The following ARHGAP24 variants were observed in gnomAD, a reference collection of about 807,000 sequenced individuals.
The protein encoded by ARHGAP24 is Rho GTPase activating protein 24.
ARHGAP24 carries 50 observed loss-of-function variants against 76.4 expected under a neutral mutation model. The observed-to-expected ratio is 0.65, with a 90% CI of 0.52 to 0.83. The LOEUF (loss-of-function observed/expected upper bound fraction) is 0.83, where lower values mean the gene tolerates loss of function less well. Ranked by LOEUF, ARHGAP24 falls within the 40% of genes least tolerant of loss-of-function variation. ARHGAP24 has a pLI of 0.00. For synonymous variants in ARHGAP24, 345 were observed against 323.3 expected (o/e 1.07, Z -0.72); for missense variants, 930 against 914.2 (o/e 1.02, Z -0.22).
rs1266967707 is a variant in ARHGAP24, at chr4:85,740,342, C to T, written c.268+18370C>T. ...GGTTCAGGCGATTCTCCTGCCTTAGCCTCCTGAGTAGCTGGGATTATAGGT... is the reference window on the plus strand; with the variant it reads ...GGTTCAGGCGATTCTCCTGCCTTAGTCTCCTGAGTAGCTGGGATTATAGGT... On this transcript the variant is annotated intron_variant, in intron 3 of 9. Coordinates refer to ENST00000395184, the MANE Select transcript of ARHGAP24 (RefSeq NM_001025616.3). Among the ~76,000 whole-genome samples the T allele has an allele frequency of 2.6e-5, 4 of 151,716 alleles. No homozygotes were observed. In the East Asian group the frequency reaches 7.8e-4, roughly 29 times the overall value.
At chr4:85,610,631 G>A (rs1304695589) in intron 2 of ARHGAP24, among the ~76,000 whole-genome samples, 4 of 152,028 alleles carry the variant, frequency 2.6e-5, no homozygotes, top group Non-Finnish European at 4.4e-5. Context: ...TTCTAGCGTC[G>A]TGGGGAAAAA....
chr4:85,731,910 C>A (rs1300591367), intron 3 of ARHGAP24, among the ~76,000 whole-genome samples: 2 of 152,162 alleles, frequency 1.3e-5, no homozygotes, highest in African/African-American at 4.8e-5. Flanking sequence ...GAAAGTAGTA[C>A]TCTCCTCATT....
At chr4:85,589,985 G>A (rs1484644736) in intron 2 of ARHGAP24, among the ~76,000 whole-genome samples, 1 of 152,056 alleles carries the variant, frequency 6.6e-6, no homozygotes, top group African/African-American at 2.4e-5. Flanking sequence ...TGTGCATTTT[G>A]CATGTTAATT....
chr4:85,644,723 A>G (rs756884095), intron 2 of ARHGAP24, among the ~76,000 whole-genome samples: 26 of 152,272 alleles, frequency 1.7e-4, no homozygotes, highest in Non-Finnish European at 8.8e-5. Flanking sequence ...ACGCTTTTAA[A>G]TAATATATAC....
At chr4:85,889,150 G>A (rs1733738636) in intron 3 of ARHGAP24, among the ~76,000 whole-genome samples, 1 of 152,158 alleles carries the variant, frequency 6.6e-6, no homozygotes, top group Admixed American at 6.5e-5. Context: ...TCAAGAGAAT[G>A]AATATCCCAC....
At chr4:85,604,648 A>G (rs1444389882) in intron 2 of ARHGAP24, among the ~76,000 whole-genome samples, 2 of 152,210 alleles carry the variant, frequency 1.3e-5, no homozygotes, top group African/African-American at 4.8e-5. Flanking sequence ...GCAGTGTGGC[A>G]TGATCTCAGC....
intron 1 of ARHGAP24, among the ~76,000 whole-genome samples, chr4:85,544,987 C>T (rs1982700): frequency 0.11 from 17,082 of 151,748 alleles, 3,092 homozygotes; most frequent in African/African-American, 0.38. Flanking sequence ...GACTGCAGAT[C>T]GTGTCACACG....
intron 1 of ARHGAP24, among the ~76,000 whole-genome samples, chr4:85,567,264 C>T (rs115493217): frequency 1.4e-4 from 21 of 152,140 alleles, no homozygotes; most frequent in African/African-American, 5.1e-4. Flanking sequence ...GTGTTTATGG[C>T]TAAAAATGGA....
intron 5 of ARHGAP24, among the ~76,000 whole-genome samples, chr4:85,961,923 G>A (rs1738282251): frequency 6.6e-6 from 1 of 152,046 alleles, no homozygotes. Context: ...AATGTATTAT[G>A]AAGATTACAT....
At chr4:85,779,466 C>T (rs1291759490) in intron 3 of ARHGAP24, among the ~76,000 whole-genome samples, 2 of 152,112 alleles carry the variant, frequency 1.3e-5, no homozygotes, top group Non-Finnish European at 1.5e-5. Flanking sequence ...CTCATCACAG[C>T]TTGGTAGATC....
intron 8 of ARHGAP24, among the ~76,000 whole-genome samples, chr4:85,987,205 G>A (rs557373190): frequency 2.1e-4 from 32 of 152,144 alleles, no homozygotes; most frequent in Admixed American, 1.6e-3. Context: ...AAAAGGCGGT[G>A]GAGAGGAGGT....
chr4:85,826,865 T>G (rs1468652347), intron 3 of ARHGAP24, among the ~76,000 whole-genome samples: 1 of 152,360 alleles, frequency 6.6e-6, no homozygotes, highest in East Asian at 1.9e-4. Flanking sequence ...TTCTTGCTCA[T>G]GCAATCAATC....
At chr4:85,844,997 G>A (rs1415921133) in intron 3 of ARHGAP24, among the ~76,000 whole-genome samples, 2 of 152,174 alleles carry the variant, frequency 1.3e-5, no homozygotes, top group South Asian at 2.1e-4. Flanking sequence ...TGACCGAGAG[G>A]TTGGAAAATA....
intron 9 of ARHGAP24, chr4:86,000,195 C>T (rs1740929484): frequency 3.0e-6 from 1 of 328,340 alleles, no homozygotes; most frequent in Non-Finnish European, 5.8e-6. Context: ...GTGTTACTGG[C>T]TTATCTGTGC....
In ARHGAP24 at chr4:85,972,045, T is replaced by A; in HGVS notation, c.609T>A (p.Asp203Glu). 6.2e-7 allele frequency: 1 copy of A among 1,614,054 alleles called. No homozygotes were observed. Among genetic ancestry groups the A allele is most frequent in the Non-Finnish European group, 8.5e-7 (1 of 1,179,970 alleles). Residue 203 changes from aspartate to glutamate, a missense_variant, in exon 6 of 10, where the codon GAT (aspartate) becomes GAA (glutamate). Coordinates refer to ENST00000395184, the MANE Select transcript of ARHGAP24 (RefSeq NM_001025616.3). ...ACTTCTGTCTCCACAGCAACACAGA[T>A]GTACACACGGTGGCATCACTTCTTA... is the stretch of plus-strand genomic sequence containing the variant. ...GEKPSFDSNT[D>E]VHTVASLLKL...
intron 3 of ARHGAP24, among the ~76,000 whole-genome samples, chr4:85,744,912 G>A (rs1725968813): frequency 6.6e-6 from 1 of 152,172 alleles, no homozygotes; most frequent in South Asian, 2.1e-4. Context: ...TAGCCAGGCG[G>A]TACAGAATAT....
chr4:85,936,225 A>T (rs1736626109), intron 4 of ARHGAP24, among the ~76,000 whole-genome samples: 1 of 152,186 alleles, frequency 6.6e-6, no homozygotes, highest in Non-Finnish European at 1.5e-5. Context: ...AGGGATAAGG[A>T]ACTCAAAATT....
chr4:85,522,758 C>T (rs948298400), intron 1 of ARHGAP24, among the ~76,000 whole-genome samples: 13 of 152,142 alleles, frequency 8.5e-5, no homozygotes, highest in African/African-American at 2.2e-4. Context: ...TGTAAAACTC[C>T]TGCCTGTTTT....
rs907839337 is a variant in ARHGAP24, at chr4:85,875,061, G to A, written c.269-48587G>A. 8.2e-3 allele frequency among the ~76,000 whole-genome samples: 17 copies of A among 2,074 alleles called. 1 individual carries two copies. Among genetic ancestry groups the A allele is most frequent in the Non-Finnish European group, 0.013 (14 of 1,070 alleles). 1.4% of individuals were successfully genotyped at this position (2,074 alleles called of 152,430 possible). Reference sequence around the variant, plus strand: ...TATATTATTTATATATAATATATTTGTTTTATATATTATATTATATATAAT... The same window carrying A: ...TATATTATTTATATATAATATATTTATTTTATATATTATATTATATATAAT... On this transcript the variant is annotated intron_variant, in intron 3 of 9. Coordinates refer to ENST00000395184, the MANE Select transcript of ARHGAP24 (RefSeq NM_001025616.3).
Sources: gnomAD v4.1 joint callset for allele counts (sites outside exome capture counted in the v4.1 genomes callset) on GRCh38, gnomAD v4.1.1 for gene constraint, MANE v1.5 for transcripts, NCBI Gene and HGNC (gene_info 2026-07-23, HGNC 2026-07-21) for gene names.